PTPN13: variants seen among roughly 807,000 people sequenced by gnomAD.
PTPN13 encodes the protein protein tyrosine phosphatase non-receptor type 13, also known as tyrosine-protein phosphatase non-receptor type 13.
Under a neutral mutation model 284.0 loss-of-function variants are expected in PTPN13, and 191 were observed. That is an observed-to-expected ratio of 0.67 (90% confidence interval 0.60 to 0.76). The LOEUF is 0.76. Ranked by LOEUF, PTPN13 falls within the 30% of genes least tolerant of loss-of-function variation. The pLI is 0.00. For missense variants in PTPN13, 2,797 were observed against 2,939.9 expected (o/e 0.95, Z 1.12); for synonymous variants, 986 against 1,022.3 (o/e 0.96, Z 0.68).
chr4:86,640,943 A>T (rs1324697835), intron 2 of PTPN13, among the ~76,000 whole-genome samples: 1 of 152,134 alleles, frequency 6.6e-6, no homozygotes, highest in Non-Finnish European at 1.5e-5. Context: ...ATACAGAGAG[A>T]TTGAATTTGG....
intron 1 of PTPN13, among the ~76,000 whole-genome samples, chr4:86,631,484 G>C (rs1722461880): frequency 6.6e-6 from 1 of 151,842 alleles, no homozygotes; most frequent in African/African-American, 2.4e-5. Flanking sequence ...TCTGACATTG[G>C]GTAATTAGAA....
chr4:86,783,984 G>A (rs967639798), intron 37 of PTPN13, among the ~76,000 whole-genome samples: 1 of 151,770 alleles, frequency 6.6e-6, no homozygotes, highest in Non-Finnish European at 1.5e-5. Context: ...CACTAAATTG[G>A]AGACTATATC....
chr4:86,799,205 GC>G lies in PTPN13; in HGVS notation c.6505+2del. 1 of 1,513,042 alleles carries G rather than the reference GC, an allele frequency of 6.6e-7. No homozygotes were observed. Among genetic ancestry groups the G allele is most frequent in the Non-Finnish European group, 8.9e-7 (1 of 1,127,292 alleles). The allele number at this position is 1,513,042 out of a possible 1,614,324, so 93.7% of individuals were successfully genotyped here. Reference sequence around the variant, plus strand: ...ACAAACCATGAAGATTCTGATAAAGGCAAGAATTTTAATGACAGTTTTTTCC... The same window carrying G: ...ACAAACCATGAAGATTCTGATAAAGGAAGAATTTTAATGACAGTTTTTTCC... On this transcript the variant is annotated splice_donor_variant, in intron 42 of 47. Coordinates refer to ENST00000411767, the MANE Select transcript of PTPN13 (RefSeq NM_080683.3). LOFTEE classifies it high-confidence loss of function.
At chr4:86,802,065 G>A (rs1744090772) in intron 42 of PTPN13, among the ~76,000 whole-genome samples, 1 of 151,590 alleles carries the variant, frequency 6.6e-6, no homozygotes, top group Admixed American at 6.6e-5. Flanking sequence ...TACCAATTTT[G>A]TATTTGTTTG....
intron 19 of PTPN13, 28 bp from the exon 20 acceptor site, chr4:86,752,976 TATGAA>T: frequency 6.6e-7 from 1 of 1,518,448 alleles, no homozygotes; most frequent in Non-Finnish European, 9.0e-7. Context: ...CTGACCATCT[TATGAA>T]ATGTCTAATA....
chr4:86,810,582 G>C (rs1745118794), intron 46 of PTPN13, among the ~76,000 whole-genome samples: 1 of 152,068 alleles, frequency 6.6e-6, no homozygotes. Context: ...AAGAATTTTA[G>C]TTAAAAGCAC....
chr4:86,624,800 G>T (rs1167978325), intron 1 of PTPN13, among the ~76,000 whole-genome samples: 1 of 152,054 alleles, frequency 6.6e-6, no homozygotes, highest in Non-Finnish European at 1.5e-5. Flanking sequence ...CTCCAATCTG[G>T]TTAACATAGT....
chr4:86,764,572 T>C (rs1158462320), intron 24 of PTPN13, 21 bp from the exon 25 acceptor site: 5 of 1,395,526 alleles, frequency 3.6e-6, no homozygotes, highest in Admixed American at 3.4e-5. Context: ...AAGAAATCTT[T>C]GTTTGTTTTT....
At chr4:86,730,727 G>T (rs1208837974) in intron 10 of PTPN13, among the ~76,000 whole-genome samples, 1 of 138,984 alleles carries the variant, frequency 7.2e-6, no homozygotes, top group Non-Finnish European at 1.7e-5. Context: ...CCCTTGGCTA[G>T]GAAAGGGAAA....
At chr4:86,660,043 G>A (rs1344085999) in intron 2 of PTPN13, among the ~76,000 whole-genome samples, 4 of 152,166 alleles carry the variant, frequency 2.6e-5, no homozygotes, top group Admixed American at 1.3e-4. Context: ...GGTTCAAGAA[G>A]GAACAATAAG....
intron 31 of PTPN13, 89 bp from the exon 32 acceptor site, chr4:86,772,689 T>G: frequency 3.7e-6 from 4 of 1,071,966 alleles, no homozygotes; most frequent in Non-Finnish European, 5.3e-6. Context: ...GACATGAATA[T>G]TTGTTAAGTG....
Position 86,701,560 on chromosome 4 carries a change from T to G in PTPN13, c.954T>G (p.Thr318=). 1 of 1,613,908 alleles carries G rather than the reference T, an allele frequency of 6.2e-7. No individual in the cohort carries two copies. The highest frequency in any genetic ancestry group is 8.5e-7 in the Non-Finnish European group (1 of 1,179,828). The change falls in exon 7 of 48, where the codon ACT becomes ACG. Residue 318 remains threonine, a synonymous_variant. Coordinates refer to ENST00000411767, the MANE Select transcript of PTPN13 (RefSeq NM_080683.3). ...TADRDFSSGE[T]ATYRRCHPEA... ...ACAGAGACTTCTCTTCAGGAGAGAC[T>G]GCCACATATCGTCGTTGTCACCCTG... is the stretch of plus-strand genomic sequence containing the variant.
chr4:86,689,819 C>G, intron 5 of PTPN13: 1 of 693,432 alleles, frequency 1.4e-6, no homozygotes. Flanking sequence ...TTCTGCATTT[C>G]TAAGGCTGTA....
chr4:86,684,097 T>C (rs1159342359), intron 3 of PTPN13, among the ~76,000 whole-genome samples: 1 of 143,422 alleles, frequency 7.0e-6, no homozygotes, highest in Admixed American at 7.0e-5. Context: ...TACTAAGATA[T>C]GTTAAAAAAA....
rs754278242 is a variant in PTPN13, at chr4:86,701,453, G to GA, written c.855dup (p.Pro286ThrfsTer6). 15 of 1,613,242 alleles carry GA rather than the reference G, an allele frequency of 9.3e-6. No homozygotes were observed. The highest frequency in any genetic ancestry group is 6.6e-5 in the South Asian group (6 of 91,020). ...TTACCAGTTCAAAACTAGTGGCCCA[G>GA]AAAAAAAACCCATCCCTGGCATTGA... On this transcript the variant is annotated frameshift_variant, in exon 7 of 48. Transcript: ENST00000411767. LOFTEE classifies it high-confidence loss of function.
intron 8 of PTPN13, 81 bp from the exon 9 acceptor site, chr4:86,716,943 T>G (rs1733095036): frequency 1.1e-6 from 1 of 921,762 alleles, no homozygotes; most frequent in Admixed American, 2.1e-5. Flanking sequence ...ACTCTATGTC[T>G]GCTAAGTGTT....
chr4:86,785,270 A>G lies in PTPN13; in HGVS notation c.6158A>G (p.Gln2053Arg), dbSNP rs1163986469. ...IQEDDIYDDSQEAEVIQSLLD... is the reference protein window; with the variant it reads ...IQEDDIYDDSREAEVIQSLLD... ...GAAGATGACATTTATGATGATTCCC[A>G]AGAAGCTGAAGTTATCCAGTCTCTG... Residue 2053 changes from glutamine (Q) to arginine (R), a missense_variant, in exon 39 of 48, where the codon CAA becomes CGA. Coordinates refer to ENST00000411767, the MANE Select transcript of PTPN13 (RefSeq NM_080683.3). The G allele has an allele frequency of 3.8e-6, 6 of 1,589,826 alleles. No homozygotes were observed. Among genetic ancestry groups the G allele is most frequent in the Non-Finnish European group, 5.2e-6 (6 of 1,160,624 alleles).
At chr4:86,785,493 A>C in intron 39 of PTPN13, 125 bp downstream of exon 39, 1 of 906,944 alleles carries the variant, frequency 1.1e-6, no homozygotes, top group Non-Finnish European at 1.6e-6. Context: ...GTAATATTTC[A>C]GAAACAAAAC....
At chr4:86,728,027 T>C (rs1734484240) in intron 10 of PTPN13, among the ~76,000 whole-genome samples, 1 of 149,742 alleles carries the variant, frequency 6.7e-6, no homozygotes, top group African/African-American at 2.4e-5. Flanking sequence ...TTCGTTCTCA[T>C]TGGTTTCAAA....
Sources: gnomAD v4.1 joint callset for allele counts (sites outside exome capture counted in the v4.1 genomes callset) on GRCh38, gnomAD v4.1.1 for gene constraint, MANE v1.5 for transcripts, NCBI Gene and HGNC (gene_info 2026-07-23, HGNC 2026-07-21) for gene names.